The following PRDM16 variants were observed in gnomAD, a reference collection of about 807,000 sequenced individuals.
PRDM16 encodes PR/SET domain 16.
PRDM16 carries 23 observed loss-of-function variants against 110.6 expected under a neutral mutation model. The ratio of observed to expected loss-of-function variants is 0.21; its 90% CI spans 0.15 to 0.29. PRDM16 has a LOEUF of 0.29. PRDM16 is among the 10% of genes least tolerant of loss of function. The probability of loss-of-function intolerance (pLI) is 1.00; values close to 1 mark genes in which losing one functional copy is unlikely to be tolerated. For synonymous variants in PRDM16, 799 were observed against 781.8 expected (o/e 1.02, Z -0.37); for missense variants, 1,615 against 1,794.3 (o/e 0.90, Z 1.81).
intron 2 of PRDM16, among the ~76,000 whole-genome samples, chr1:3,222,574 C>A (rs1001682308): frequency 6.6e-6 from 1 of 152,220 alleles, no homozygotes; most frequent in African/African-American, 2.4e-5. Flanking sequence ...TGTTTCATGG[C>A]CCTGCCCAGC....
chr1:3,088,801 T>A (rs1322133833), intron 1 of PRDM16, among the ~76,000 whole-genome samples: 1 of 147,816 alleles, frequency 6.8e-6, no homozygotes. Flanking sequence ...TTTATTTATT[T>A]TTTGGAGATG....
At chr1:3,074,582 T>TC (rs1641849867) in intron 1 of PRDM16, among the ~76,000 whole-genome samples, 1 of 152,052 alleles carries the variant, frequency 6.6e-6, no homozygotes, top group Non-Finnish European at 1.5e-5. Context: ...CTGGGCTCCG[T>TC]CCCCCACAGC....
chr1:3,403,842 C>T (rs1013443707), intron 6 of PRDM16, among the ~76,000 whole-genome samples: 3 of 152,204 alleles, frequency 2.0e-5, no homozygotes, highest in Non-Finnish European at 2.9e-5. Context: ...GGCCACTAAC[C>T]GGCTATGTGA....
At chr1:3,313,645 C>G (rs1414877320) in intron 3 of PRDM16, among the ~76,000 whole-genome samples, 1 of 152,274 alleles carries the variant, frequency 6.6e-6, no homozygotes. Context: ...CCCCGCTCCA[C>G]TCACCCCGCC....
chr1:3,393,795 G>T (rs767241345), intron 4 of PRDM16, among the ~76,000 whole-genome samples: 2 of 152,226 alleles, frequency 1.3e-5, no homozygotes, highest in African/African-American at 4.8e-5. Context: ...AAGTTTGCGC[G>T]GATTCCCGTT....
chr1:3,138,964 G>C (rs993639311), intron 1 of PRDM16, among the ~76,000 whole-genome samples: 1 of 152,112 alleles, frequency 6.6e-6, no homozygotes, highest in Non-Finnish European at 1.5e-5. Flanking sequence ...CCTCCCCCTC[G>C]GCCAGTTTTC....
chr1:3,342,478 T>G (rs1570105899), intron 3 of PRDM16, among the ~76,000 whole-genome samples: 1 of 152,156 alleles, frequency 6.6e-6, no homozygotes, highest in East Asian at 1.9e-4. Flanking sequence ...CAGAGGTGAG[T>G]CTCAAACCAG....
intron 3 of PRDM16, among the ~76,000 whole-genome samples, chr1:3,372,664 G>A (rs1008426295): frequency 2.6e-5 from 4 of 152,250 alleles, no homozygotes; most frequent in Admixed American, 1.3e-4. Context: ...CTGCGGTAAC[G>A]TGCAACCTTC....
chr1:3,383,080 G>A (rs1456219824), intron 3 of PRDM16, among the ~76,000 whole-genome samples: 1 of 152,200 alleles, frequency 6.6e-6, no homozygotes, highest in Non-Finnish European at 1.5e-5. Flanking sequence ...AGAATTCACG[G>A]CCAACCCTGG....
intron 3 of PRDM16, among the ~76,000 whole-genome samples, chr1:3,283,629 G>A (rs1263526646): frequency 3.3e-5 from 5 of 152,078 alleles, no homozygotes; most frequent in Admixed American, 6.6e-5. Context: ...AAAGGGTTAC[G>A]GGGACCAGAC....
intron 1 of PRDM16, among the ~76,000 whole-genome samples, chr1:3,181,992 T>C (rs1247070411): frequency 2.0e-5 from 3 of 152,002 alleles, no homozygotes; most frequent in African/African-American, 7.3e-5. Flanking sequence ...TGCTTACACA[T>C]GCAGTCACAT....
chr1:3,130,782 G>A (rs2100682842), intron 1 of PRDM16, among the ~76,000 whole-genome samples: 1 of 141,226 alleles, frequency 7.1e-6, no homozygotes, highest in African/African-American at 2.9e-5. Flanking sequence ...TTGGTGCGGG[G>A]GCGGTGGGGG....
chr1:3,374,409 C>T (rs1481169780), intron 3 of PRDM16, among the ~76,000 whole-genome samples: 1 of 152,246 alleles, frequency 6.6e-6, no homozygotes, highest in East Asian at 1.9e-4. Context: ...CACAACTTTT[C>T]AGAGGCGAAA....
At position 3,181,822 on chromosome 1, in the gene PRDM16, G is replaced by T. The variant is rs199691852; in HGVS notation, c.38-4303G>T. ...GTCTTACACACGGTCTTACACATGCGGTCTTACACATTCAGTCTTACACAC... is the reference window on the plus strand; with the variant it reads ...GTCTTACACACGGTCTTACACATGCTGTCTTACACATTCAGTCTTACACAC... On this transcript the variant is annotated intron_variant, in intron 1 of 16. Coordinates refer to ENST00000270722, the MANE Select transcript of PRDM16 (RefSeq NM_022114.4). 0.022 allele frequency among the ~76,000 whole-genome samples: 1,453 copies of T among 66,592 alleles called. 188 individuals are homozygous for T. In the East Asian group the frequency reaches 0.38, roughly 17 times the overall value. 43.7% of individuals were successfully genotyped at this position (66,592 alleles called of 152,430 possible).
Position 3,433,763 on chromosome 1 carries a change from T to C in PRDM16, c.3783T>C (p.Thr1261=), listed in dbSNP as rs1232216175. 6.2e-7 allele frequency: 1 copy of C among 1,613,892 alleles called. No individual in the cohort carries two copies. Among genetic ancestry groups the C allele is most frequent in the Non-Finnish European group, 8.5e-7 (1 of 1,179,920 alleles). The change falls in exon 17 of 17, where the codon ACT becomes ACC. Residue 1261 remains threonine, a synonymous_variant. Coordinates refer to ENST00000270722, the MANE Select transcript of PRDM16 (RefSeq NM_022114.4). ...QGSLDAWLKV[T]GATSESGAFH... Reference sequence around the variant, plus strand: ...CTCTGGACGCTTGGTTGAAGGTCACTGGAGCCACGTCGGAGTCTGGAGCAT... The same window carrying C: ...CTCTGGACGCTTGGTTGAAGGTCACCGGAGCCACGTCGGAGTCTGGAGCAT...
intron 3 of PRDM16, among the ~76,000 whole-genome samples, chr1:3,381,245 C>A (rs949379895): frequency 6.6e-6 from 1 of 152,198 alleles, no homozygotes; most frequent in Non-Finnish European, 1.5e-5. Context: ...AACACGCCCA[C>A]ACACAAGCAC....
Position 3,408,440 on chromosome 1 carries a change from A to G in PRDM16, c.1186+2792A>G, listed in dbSNP as rs143834545. The stretch of plus-strand genomic sequence containing the variant: ...TGAGGTGCACAGGCTCCCACTGGGC[A>G]CTTTGCAGAAAGAGCCTTTGCTTTA... On this transcript the variant is annotated intron_variant, in intron 8 of 16. Transcript: ENST00000270722. Among the ~76,000 whole-genome samples, 6 of 152,360 alleles carry G rather than the reference A, an allele frequency of 3.9e-5. No homozygotes were observed. In the East Asian group the frequency reaches 1.2e-3, roughly 29 times the overall value.
At chr1:3,274,679 T>G (rs1185164052) in intron 3 of PRDM16, among the ~76,000 whole-genome samples, 1 of 152,230 alleles carries the variant, frequency 6.6e-6, no homozygotes, top group African/African-American at 2.4e-5. Flanking sequence ...GTCTGCGAGC[T>G]GCGTGATTAT....
rs570607479 is a variant in PRDM16 at position 3,233,224 on chromosome 1, C to T, written c.388-10863C>T. Reference sequence around the variant, plus strand: ...AGGGTGGGGGTGGCCGGTGGCCGCGCGGTGCCTAGCACCTCCTGTGTCGTC... The same window carrying T: ...AGGGTGGGGGTGGCCGGTGGCCGCGTGGTGCCTAGCACCTCCTGTGTCGTC... On this transcript the variant is annotated intron_variant, in intron 2 of 16. Coordinates refer to ENST00000270722, the MANE Select transcript of PRDM16 (RefSeq NM_022114.4). 4.1e-3 allele frequency among the ~76,000 whole-genome samples: 630 copies of T among 152,202 alleles called. 1 individual carries two copies. The highest frequency in any genetic ancestry group is 6.3e-3 in the Non-Finnish European group (427 of 67,996).
Sources: allele counts gnomAD v4.1 joint callset (sites outside exome capture counted in the v4.1 genomes callset), GRCh38; gene constraint gnomAD v4.1.1; transcripts MANE v1.5; gene names NCBI Gene and HGNC (gene_info 2026-07-23, HGNC 2026-07-21).